Variants in HNF4A observed in about 807,000 individuals in gnomAD.
HNF4A encodes the protein hepatocyte nuclear factor 4 alpha, also known as hepatocyte nuclear factor 4-alpha.
HNF4A carries 15 observed loss-of-function variants against 52.4 expected under a neutral mutation model. The ratio of observed to expected loss-of-function variants is 0.29; its 90% CI spans 0.19 to 0.44. HNF4A has a LOEUF of 0.44. HNF4A is among the 20% of genes least tolerant of loss of function. The pLI, the probability that HNF4A is intolerant of heterozygous loss-of-function variation, is 1.00. For synonymous variants in HNF4A, 280 were observed against 264.4 expected, an observed-to-expected ratio of 1.06 and a Z score of -0.57; for missense variants, 479 against 647.2, an observed-to-expected ratio of 0.74 and a Z score of 2.82.
intron 1 of HNF4A, among the ~76,000 whole-genome samples, chr20:44,373,830 C>A (rs1167691006): frequency 1.3e-5 from 2 of 152,106 alleles, no homozygotes; most frequent in Non-Finnish European, 2.9e-5. Flanking sequence ...GCTGGAACTA[C>A]AGGCACGCAC....
chr20:44,408,712 G>A (rs1376671185), intron 3 of HNF4A, among the ~76,000 whole-genome samples: 1 of 152,094 alleles, frequency 6.6e-6, no homozygotes, highest in Non-Finnish European at 1.5e-5. Flanking sequence ...GGGCAAGACA[G>A]CGAGACTCTC....
intron 1 of HNF4A, among the ~76,000 whole-genome samples, chr20:44,388,048 C>A (rs183098230): frequency 6.6e-6 from 1 of 151,926 alleles, no homozygotes; most frequent in East Asian, 1.9e-4. Context: ...TGTGTCTAAC[C>A]CAAAGGTTAT....
intron 1 of HNF4A, among the ~76,000 whole-genome samples, chr20:44,364,985 A>T (rs996265039): frequency 1.3e-5 from 2 of 152,156 alleles, no homozygotes; most frequent in African/African-American, 2.4e-5. Context: ...GGTCTGGAAG[A>T]TGTGGTCCCT....
intron 3 of HNF4A, 57 bp downstream of exon 3, chr20:44,407,532 C>T: frequency 2.5e-6 from 3 of 1,178,988 alleles, no homozygotes; most frequent in Admixed American, 3.9e-5. Context: ...CCACAGCTCC[C>T]CGACAGTCAT....
At chr20:44,428,209 G>T (rs2063834442) in intron 8 of HNF4A, 126 bp from the exon 9 acceptor site, 2 of 933,646 alleles carry the variant, frequency 2.1e-6, no homozygotes, top group Non-Finnish European at 1.7e-6. Flanking sequence ...CCAGGAATAG[G>T]TACCCAACAG....
upstream of HNF4A, among the ~76,000 whole-genome samples, chr20:44,398,014 A>G (rs182389355): frequency 1.8e-4 from 27 of 152,304 alleles, no homozygotes; most frequent in Admixed American, 1.3e-3. Flanking sequence ...CTTATCTAAC[A>G]TGAAGAACAT....
intron 3 of HNF4A, among the ~76,000 whole-genome samples, chr20:44,409,530 C>G (rs2063551189): frequency 6.6e-6 from 1 of 152,204 alleles, no homozygotes; most frequent in African/African-American, 2.4e-5. Context: ...AAGTTCAGGT[C>G]TGTGACAGGC....
chr20:44,429,445 A>G (rs2063850032), intron 9 of HNF4A, 78 bp from the exon 10 acceptor site: 2 of 1,564,892 alleles, frequency 1.3e-6, no homozygotes, highest in South Asian at 2.2e-5. Flanking sequence ...GGAGGGGAGA[A>G]CTTTCCCGGG....
At chr20:44,428,529 G>A in intron 9 of HNF4A, 42 bp downstream of exon 9, 1 of 1,595,324 alleles carries the variant, frequency 6.3e-7, no homozygotes, top group Non-Finnish European at 8.6e-7. Flanking sequence ...GGGTGAGGAT[G>A]GGGCTTAAGA....
chr20:44,370,345 T>G (rs1358068442), intron 1 of HNF4A, among the ~76,000 whole-genome samples: 1 of 152,178 alleles, frequency 6.6e-6, no homozygotes, highest in Non-Finnish European at 1.5e-5. Flanking sequence ...CTTTTGACAA[T>G]CCTTCAATCA....
At chr20:44,420,289 G>A (rs936597188) in intron 7 of HNF4A, among the ~76,000 whole-genome samples, 3 of 151,892 alleles carry the variant, frequency 2.0e-5, no homozygotes, top group Non-Finnish European at 4.4e-5. Flanking sequence ...CCAAGATCCC[G>A]CCACTGCATT....
intron 1 of HNF4A, among the ~76,000 whole-genome samples, chr20:44,364,479 T>G (rs554511944): frequency 6.6e-6 from 1 of 151,936 alleles, no homozygotes; most frequent in Admixed American, 6.6e-5. Flanking sequence ...TTTTTTTTAT[T>G]TTTTTTTTCT....
chr20:44,361,717 C>CAA (rs11482025), intron 1 of HNF4A, among the ~76,000 whole-genome samples: 7 of 151,462 alleles, frequency 4.6e-5, no homozygotes, highest in Non-Finnish European at 7.4e-5. Flanking sequence ...AAAAAAACAA[C>CAA]AAAAAAAACA....
chr20:44,418,489 T>C lies in HNF4A; in HGVS notation c.713T>C (p.Val238Ala), dbSNP rs752216751. Residue 238 changes from valine (V) to alanine (A), a missense_variant, in exon 6 of 10, where the codon GTG (valine) becomes GCG (alanine). Coordinates refer to ENST00000316099, the MANE Select transcript of HNF4A (RefSeq NM_000457.6). The stretch of plus-strand genomic sequence containing the variant: ...CTCGGAGCCACCAAGAGATCCATGG[T>C]GTTCAAGGACGTGCTGCTCCTAGGT... 1.9e-6 allele frequency: 3 copies of C among 1,613,040 alleles called. No homozygotes were observed. Among genetic ancestry groups the C allele is most frequent in the Non-Finnish European group, 2.5e-6 (3 of 1,179,854 alleles).
intron 7 of HNF4A, among the ~76,000 whole-genome samples, chr20:44,421,246 C>T (rs1303002987): frequency 1.3e-5 from 2 of 152,184 alleles, no homozygotes; most frequent in Non-Finnish European, 2.9e-5. Flanking sequence ...GCTCTTGGCT[C>T]TCCTCTCCCC....
chr20:44,385,057 A>ATTT (rs1491454694), intron 1 of HNF4A, among the ~76,000 whole-genome samples: 7 of 29,916 alleles, frequency 2.3e-4, no homozygotes, highest in African/African-American at 1.3e-3. Context: ...GAACTCTGTG[A>ATTT]TCTTTTTTTT....
chr20:44,414,176 C>G (rs2063627176), intron 4 of HNF4A, among the ~76,000 whole-genome samples: 1 of 152,256 alleles, frequency 6.6e-6, no homozygotes, highest in Non-Finnish European at 1.5e-5. Context: ...CACAGCACCT[C>G]TCTGAGCCAT....
In HNF4A at chr20:44,424,208, C is replaced by T. The variant is rs142268325; in HGVS notation, c.1083C>T (p.Phe361=). 3.2e-5 allele frequency: 51 copies of T among 1,613,938 alleles called. No individual in the cohort carries two copies. The highest frequency in any genetic ancestry group is 3.3e-4 in the Middle Eastern group (2 of 6,084). Residue 361 remains phenylalanine, a synonymous_variant, in exon 8 of 10, where the codon TTC becomes TTT. Transcript: ENST00000316099. ...AGCAGATCCAGTTCATCAAGCTCTTCGGCATGGCCAAGATTGACAACCTGT... is the reference window on the plus strand; with the variant it reads ...AGCAGATCCAGTTCATCAAGCTCTTTGGCATGGCCAAGATTGACAACCTGT...
At chr20:44,368,086 ATG>A (rs544910153) in intron 1 of HNF4A, among the ~76,000 whole-genome samples, 6,513 of 101,970 alleles carry the variant, frequency 0.064, 213 homozygotes, top group African/African-American at 0.087. Flanking sequence ...ATATATATAT[ATG>A]TGTGTGTGTG....
Sources: allele counts gnomAD v4.1 joint callset (sites outside exome capture counted in the v4.1 genomes callset), GRCh38; gene constraint gnomAD v4.1.1; transcripts MANE v1.5; gene names NCBI Gene and HGNC (gene_info 2026-07-23, HGNC 2026-07-21).